Variants in CSMD1 observed in about 807,000 individuals in gnomAD.
CSMD1 encodes CUB and Sushi multiple domains 1.
Under a neutral mutation model 417.5 loss-of-function variants are expected in CSMD1, and 213 were observed. The ratio of observed to expected loss-of-function variants is 0.51; its 90% CI spans 0.46 to 0.57. The LOEUF (loss-of-function observed/expected upper bound fraction) is 0.57, where lower values mean the gene tolerates loss of function less well. Among genes scored for constraint, CSMD1 ranks in the 20% least tolerant of loss-of-function variants. The pLI is 0.00. For missense variants in CSMD1, 6,923 were observed against 4,529.7 expected, an observed-to-expected ratio of 1.53 and a Z score of -15.17; for synonymous variants, 2,862 against 1,736.8, an observed-to-expected ratio of 1.65 and a Z score of -16.11.
chr8:4,187,423 G>C (rs190941490), intron 3 of CSMD1, among the ~76,000 whole-genome samples: 7 of 152,080 alleles, frequency 4.6e-5, no homozygotes, highest in Non-Finnish European at 8.8e-5. Flanking sequence ...AAGGCAGGCA[G>C]ATCACCTGAG....
At position 3,883,398 on chromosome 8, in the gene CSMD1, G is replaced by C. The variant is rs558028708; in HGVS notation, c.818+114505C>G. ...TCGATTTCTCATAGTTTTAAACTGG[G>C]TGTATGTGTGTGTATATATGTATGT... On this transcript the variant is annotated intron_variant, in intron 5 of 69. Transcript: ENST00000635120. 5.3e-5 allele frequency among the ~76,000 whole-genome samples: 8 copies of C among 152,132 alleles called. No homozygotes were observed. In the South Asian group the frequency reaches 6.2e-4, roughly 12 times the overall value.
chr8:3,818,596 C>T (rs1455271583), intron 5 of CSMD1, among the ~76,000 whole-genome samples: 1 of 151,924 alleles, frequency 6.6e-6, no homozygotes, highest in East Asian at 1.9e-4. Context: ...ATGAGAAGTG[C>T]TAGAAAAGGG....
intron 2 of CSMD1, among the ~76,000 whole-genome samples, chr8:4,525,908 C>T (rs559682426): frequency 1.4e-4 from 22 of 152,196 alleles, no homozygotes; most frequent in African/African-American, 2.9e-4. Context: ...TAAGTGCAGG[C>T]CTTAGTAACC....
chr8:4,347,947 G>A (rs527330517), intron 3 of CSMD1, among the ~76,000 whole-genome samples: 2 of 152,094 alleles, frequency 1.3e-5, no homozygotes, highest in African/African-American at 4.8e-5. Context: ...AAATAAAATG[G>A]AGGCACAGAA....
intron 5 of CSMD1, among the ~76,000 whole-genome samples, chr8:3,779,876 A>G (rs1026496176): frequency 6.6e-6 from 1 of 152,180 alleles, no homozygotes. Context: ...TTGAAAATTT[A>G]GTTTCATTTA....
intron 1 of CSMD1, among the ~76,000 whole-genome samples, chr8:4,835,430 G>C (rs148551472): frequency 1.3e-5 from 2 of 152,248 alleles, no homozygotes; most frequent in Non-Finnish European, 2.9e-5. Flanking sequence ...AGAGACAAGA[G>C]GTAGAACTAG....
intron 3 of CSMD1, among the ~76,000 whole-genome samples, chr8:4,404,440 C>T (rs765500635): frequency 3.3e-5 from 5 of 152,168 alleles, no homozygotes; most frequent in Non-Finnish European, 5.9e-5. Context: ...ATTTGTCAAG[C>T]AACGAAAGTA....
intron 1 of CSMD1, among the ~76,000 whole-genome samples, chr8:4,843,127 G>C (rs574082910): frequency 6.6e-6 from 1 of 152,142 alleles, no homozygotes; most frequent in African/African-American, 2.4e-5. Context: ...TCGAGGAAAT[G>C]AACAAACATG....
chr8:4,016,857 C>T (rs1388976516), intron 4 of CSMD1, among the ~76,000 whole-genome samples: 1 of 152,164 alleles, frequency 6.6e-6, no homozygotes, highest in Non-Finnish European at 1.5e-5. Flanking sequence ...AGACCAAGAA[C>T]AGCAGTTTTA....
intron 25 of CSMD1, among the ~76,000 whole-genome samples, chr8:3,292,884 T>G (rs1416856931): frequency 2.0e-5 from 3 of 152,186 alleles, no homozygotes; most frequent in East Asian, 3.9e-4. Flanking sequence ...GTTAGCTGGT[T>G]ATTTTGCTCG....
intron 20 of CSMD1, among the ~76,000 whole-genome samples, 200 bp from the exon 21 acceptor site, chr8:3,359,540 ATT>A (rs35776750): frequency 7.0e-6 from 1 of 143,674 alleles, no homozygotes. Context: ...GGGATTTAGT[ATT>A]TTTTTTTTTT....
intron 3 of CSMD1, among the ~76,000 whole-genome samples, chr8:4,209,750 G>T (rs1003308320): frequency 6.6e-6 from 1 of 152,184 alleles, no homozygotes; most frequent in Non-Finnish European, 1.5e-5. Flanking sequence ...TCCTAGCACA[G>T]CAGGACTACA....
At chr8:4,192,777 C>G (rs1799105236) in intron 3 of CSMD1, among the ~76,000 whole-genome samples, 1 of 152,150 alleles carries the variant, frequency 6.6e-6, no homozygotes, top group Non-Finnish European at 1.5e-5. Flanking sequence ...CAAGAATTTC[C>G]ATTTGTTTCA....
intron 3 of CSMD1, among the ~76,000 whole-genome samples, chr8:4,178,197 C>A (rs1798163218): frequency 6.6e-6 from 1 of 152,160 alleles, no homozygotes; most frequent in African/African-American, 2.4e-5. Context: ...TACTGGCAGA[C>A]CGAATCCAGC....
intron 5 of CSMD1, among the ~76,000 whole-genome samples, chr8:3,952,932 T>C (rs545439905): frequency 5.3e-5 from 8 of 152,104 alleles, no homozygotes; most frequent in African/African-American, 1.9e-4. Flanking sequence ...TATGTCTTCA[T>C]TAATGAAAAA....
chr8:3,633,309 C>G (rs1383305019), intron 7 of CSMD1, among the ~76,000 whole-genome samples: 2 of 152,144 alleles, frequency 1.3e-5, no homozygotes, highest in East Asian at 1.9e-4. Context: ...AGAAGTGCAT[C>G]GTGTCATACA....
rs142124969 is a variant in CSMD1 at position 4,665,384 on chromosome 8, G to T, written c.86-27826C>A. On this transcript the variant is annotated intron_variant, in intron 1 of 69. Transcript: ENST00000635120. The stretch of plus-strand genomic sequence containing the variant: ...GTAAACCACCCGTTTTAGGTGAACG[G>T]GTCCATGAGTCGTGAAAGTTATGTC... Among the ~76,000 whole-genome samples the T allele has an allele frequency of 3.2e-3, 487 of 152,190 alleles. 1 individual carries two copies. Among genetic ancestry groups the T allele is most frequent in the African/African-American group, 0.011 (459 of 41,504 alleles).
In CSMD1 at chr8:2,950,118, G is replaced by A. The variant is rs909905785; in HGVS notation, c.10314+113C>T. 9 of 674,408 alleles carry A rather than the reference G, an allele frequency of 1.3e-5. No homozygotes were observed. In the African/African-American group the frequency reaches 1.6e-4, roughly 12 times the overall value. The allele number at this position is 674,408 out of a possible 1,614,324, so 41.8% of individuals were successfully genotyped here. ...GAAGAGGGGCAGCTGAGTTTTCAAG[G>A]GGCAGACACAAGACAGCTCTACTCA... is the stretch of plus-strand genomic sequence containing the variant. On this transcript the variant is annotated intron_variant, in intron 67 of 69. Transcript: ENST00000635120.
Position 4,726,937 on chromosome 8 carries a change from T to G in CSMD1, c.86-89379A>C, listed in dbSNP as rs573617387. On this transcript the variant is annotated intron_variant, in intron 1 of 69. Coordinates refer to ENST00000635120, the MANE Select transcript of CSMD1 (RefSeq NM_033225.6). The stretch of plus-strand genomic sequence containing the variant: ...CTTTTTATGAATTTCTTCTGGGGAT[T>G]GTACATATGTACTTAAAAAAAATAC... 1.4e-3 allele frequency among the ~76,000 whole-genome samples: 219 copies of G among 152,290 alleles called. 7 individuals are homozygous for G. The South Asian group carries it at 0.04, about 28-fold the overall frequency.
Sources: gnomAD v4.1 joint callset for allele counts (sites outside exome capture counted in the v4.1 genomes callset) on GRCh38, gnomAD v4.1.1 for gene constraint, MANE v1.5 for transcripts, NCBI Gene and HGNC (gene_info 2026-07-23, HGNC 2026-07-21) for gene names.